HTT: variants seen among roughly 807,000 people sequenced by gnomAD.
HTT encodes the protein huntingtin.
HTT carries 104 observed loss-of-function variants against 362.3 expected under a neutral mutation model. The observed-to-expected ratio is 0.29, with a 90% confidence interval of 0.24 to 0.34. HTT has a LOEUF of 0.34. Among genes scored for constraint, HTT ranks in the 10% least tolerant of loss-of-function variants. The pLI is 1.00. For missense variants in HTT, 3,301 were observed against 3,928.6 expected, an observed-to-expected ratio of 0.84 and a Z score of 4.27; for synonymous variants, 1,577 against 1,548.7, an observed-to-expected ratio of 1.02 and a Z score of -0.43.
At position 3,135,898 on chromosome 4, in the gene HTT, T is replaced by C. The variant is rs1463220598; in HGVS notation, c.2634-6T>C. 5.0e-6 allele frequency: 8 copies of C among 1,598,492 alleles called. No individual in the cohort carries two copies. In the South Asian group the frequency reaches 8.0e-5, roughly 16 times the overall value. ...GATTTCATTGTTAAATGTGCTCTTT[T>C]GTTAGGCTGGTGAGCTTTTTGGAGG... On this transcript the variant is annotated splice_polypyrimidine_tract_variant and splice_region_variant and intron_variant, in intron 19 of 66. Transcript: ENST00000355072.
intron 27 of HTT, among the ~76,000 whole-genome samples, chr4:3,155,948 A>G (rs1046509245): frequency 2.0e-5 from 3 of 151,912 alleles, no homozygotes; most frequent in African/African-American, 7.3e-5. Flanking sequence ...ATGGCTAATT[A>G]ACCTGTGCAT....
At chr4:3,207,422 G>A (rs1719920777) in intron 45 of HTT, 65 bp downstream of exon 45, 1 of 1,312,750 alleles carries the variant, frequency 7.6e-7, no homozygotes, top group East Asian at 2.5e-5. Flanking sequence ...ATATAGATTT[G>A]TACGGGAATA....
At chr4:3,106,719 C>T (rs2110162743) in intron 5 of HTT, among the ~76,000 whole-genome samples, 1 of 152,232 alleles carries the variant, frequency 6.6e-6, no homozygotes, top group South Asian at 2.1e-4. Flanking sequence ...GGAACAGTCA[C>T]TTCCTTAGGG....
At position 3,206,691 on chromosome 4, in the gene HTT, G is replaced by C. The variant is rs1352883730; in HGVS notation, c.5898+16G>C. 2 of 1,602,888 alleles carry C rather than the reference G, an allele frequency of 1.2e-6. No homozygotes were observed. Among genetic ancestry groups the C allele is most frequent in the South Asian group, 1.1e-5 (1 of 90,088 alleles). Reference sequence around the variant, plus strand: ...CCTTTCAACTGTACGTCTTCATCCTGCCGACTATTGCCAGTTGCAGTTTTC... The same window carrying C: ...CCTTTCAACTGTACGTCTTCATCCTCCCGACTATTGCCAGTTGCAGTTTTC... On this transcript the variant is annotated intron_variant, in intron 43 of 66. Transcript: ENST00000355072. The surrounding 1 kb of genome is among the most constrained non-coding windows in gnomAD (Gnocchi z 4.6).
At chr4:3,193,500 G>A (rs1419074157) in intron 40 of HTT, among the ~76,000 whole-genome samples, 1 of 152,218 alleles carries the variant, frequency 6.6e-6, no homozygotes, top group Non-Finnish European at 1.5e-5. Flanking sequence ...AGGGTGGTGT[G>A]TTCTGTGTCC....
At chr4:3,155,782 C>T (rs1481976490) in intron 27 of HTT, among the ~76,000 whole-genome samples, 7 of 149,102 alleles carry the variant, frequency 4.7e-5, no homozygotes, top group Non-Finnish European at 8.9e-5. Flanking sequence ...CCAGTCGTCC[C>T]AGCTACTTGG....
intron 37 of HTT, among the ~76,000 whole-genome samples, 175 bp from the exon 38 acceptor site, chr4:3,186,422 G>C (rs1212699757): frequency 6.6e-6 from 1 of 152,204 alleles, no homozygotes; most frequent in Non-Finnish European, 1.5e-5. Context: ...TAGCTATACA[G>C]TGTTGTTGTA....
rs939595018 is a variant in HTT, at chr4:3,220,232, A to C, written c.7293A>C (p.Ala2431=). The C allele has an allele frequency of 6.2e-7, 1 of 1,614,010 alleles. No individual in the cohort carries two copies. Among genetic ancestry groups the C allele is most frequent in the Non-Finnish European group, 8.5e-7 (1 of 1,180,002 alleles). The change falls in exon 53 of 67, where the codon GCA becomes GCC. Residue 2431 remains alanine, a synonymous_variant. Coordinates refer to ENST00000355072, the MANE Select transcript of HTT (RefSeq NM_001388492.1). ...AACCGGGAGGGGATTTTGGCACAGC[A>C]TTCCCTGAGATCCCCGTGGAGTTCC... ...SPKPGGDFGT[A]FPEIPVEFLQ...
At chr4:3,171,150 G>T (rs1717952518) in intron 29 of HTT, among the ~76,000 whole-genome samples, 1 of 152,166 alleles carries the variant, frequency 6.6e-6, no homozygotes, top group South Asian at 2.1e-4. Context: ...AACAAAAAGT[G>T]GTGTGTGACA....
At chr4:3,232,215 C>A (rs75194556) in intron 60 of HTT, among the ~76,000 whole-genome samples, 1,861 of 152,292 alleles carry the variant, frequency 0.012, 40 homozygotes, top group African/African-American at 0.042. Flanking sequence ...CAAAGAACAG[C>A]CTCCTCTTTT....
intron 56 of HTT, 27 bp from the exon 57 acceptor site, chr4:3,225,634 C>T: frequency 6.2e-7 from 1 of 1,605,234 alleles, no homozygotes; most frequent in Non-Finnish European, 8.5e-7. Flanking sequence ...CTGTGCAGAT[C>T]AAGACTCAGG....
chr4:3,180,599 C>G lies in HTT; in HGVS notation c.4697C>G (p.Thr1566Ser). The G allele has an allele frequency of 6.2e-7, 1 of 1,613,270 alleles. No homozygotes were observed. The highest frequency in any genetic ancestry group is 2.2e-5 in the East Asian group (1 of 44,860). Residue 1566 changes from threonine to serine, a missense_variant, in exon 36 of 67, where the codon ACC (threonine) becomes AGC (serine). Physicochemically the swap from Thr to Ser is moderately conservative, Grantham distance 58. This residue lies in a region of HTT where 2,316 missense variants were observed against 2,658.5 expected (regional missense o/e 0.87). Coordinates refer to ENST00000355072, the MANE Select transcript of HTT (RefSeq NM_001388492.1). Reference sequence around the variant, plus strand: ...GCTGATGCAGGAAAAGAGCTTGAAACCCAAAAAGAGGTGGTGGTGTCAATG... The same window carrying G: ...GCTGATGCAGGAAAAGAGCTTGAAAGCCAAAAAGAGGTGGTGGTGTCAATG... ...NKADAGKELE[T>S]QKEVVVSMLL...
At chr4:3,082,041 C>T (rs1425781714) in intron 1 of HTT, among the ~76,000 whole-genome samples, 1 of 152,126 alleles carries the variant, frequency 6.6e-6, no homozygotes, top group Non-Finnish European at 1.5e-5. Flanking sequence ...GTGTCTTCTT[C>T]CCAGATTTTA....
intron 21 of HTT, among the ~76,000 whole-genome samples, chr4:3,139,685 T>A (rs1716247019): frequency 6.6e-6 from 1 of 152,208 alleles, no homozygotes; most frequent in Non-Finnish European, 1.5e-5. Flanking sequence ...ATGTTACCCG[T>A]ATTCTCCATT....
chr4:3,098,280 A>G (rs1048741705), intron 2 of HTT, among the ~76,000 whole-genome samples: 2 of 152,240 alleles, frequency 1.3e-5, no homozygotes, highest in Non-Finnish European at 2.9e-5. Flanking sequence ...TTTGTTGATC[A>G]TTACTGATGT....
In HTT at chr4:3,107,480, G is replaced by A; in HGVS notation, c.747+57G>A. ...GAGTGATGCTGTGAGTGAGTCTGTG[G>A]AGGGTGAGGGCTTCTGAACAGGGAG... On this transcript the variant is annotated intron_variant, in intron 6 of 66. Transcript: ENST00000355072. 4 of 1,581,126 alleles carry A rather than the reference G, an allele frequency of 2.5e-6. No homozygotes were observed. The East Asian group carries it at 9.0e-5, about 35-fold the overall frequency.
At position 3,211,909 on chromosome 4, in the gene HTT, C is replaced by A. The variant is rs754185336; in HGVS notation, c.6415-20C>A. ...TAATCTGTTGTTATTGTTTGTTAAC[C>A]TTTAATGCTCTGATTTCAGGAGTTC... On this transcript the variant is annotated intron_variant, in intron 47 of 66. Transcript: ENST00000355072. 8.9e-6 allele frequency: 14 copies of A among 1,576,192 alleles called. No homozygotes were observed. Among genetic ancestry groups the A allele is most frequent in the Non-Finnish European group, 9.6e-6 (11 of 1,145,602 alleles).
rs566324626 is a variant in HTT, at chr4:3,092,264, C to T, written c.347+5242C>T. ...GTCTCGAACTCCTGACCTCATGATC[C>T]GCGCCCCTCGGCCTCCCAGTGTTGG... On this transcript the variant is annotated intron_variant, in intron 2 of 66. Coordinates refer to ENST00000355072, the MANE Select transcript of HTT (RefSeq NM_001388492.1). Among the ~76,000 whole-genome samples, 18 of 152,248 alleles carry T rather than the reference C, an allele frequency of 1.2e-4. No homozygotes were observed. The East Asian group carries it at 1.4e-3, about 11-fold the overall frequency.
At position 3,212,565 on chromosome 4, in the gene HTT, G is replaced by T; in HGVS notation, c.6630G>T (p.Gly2210=). 1 of 1,613,584 alleles carries T rather than the reference G, an allele frequency of 6.2e-7. No individual in the cohort carries two copies. Among genetic ancestry groups the T allele is most frequent in the Non-Finnish European group, 8.5e-7 (1 of 1,179,562 alleles). The change falls in exon 49 of 67, where the codon GGG becomes GGT. Residue 2210 remains glycine, a splice_region_variant and synonymous_variant. Coordinates refer to ENST00000355072, the MANE Select transcript of HTT (RefSeq NM_001388492.1). ...ACCCACGAGGTCCTTCTGTTTCAGG[G>T]GATGCTGCACTGTATCAGTCCCTGC... ...AYWSKLNDLF[G]DAALYQSLPT...
Sources: allele counts gnomAD v4.1 joint callset (sites outside exome capture counted in the v4.1 genomes callset), GRCh38; gene constraint gnomAD v4.1.1; regional missense constraint gnomAD v4.1.1; non-coding constraint Gnocchi (gnomAD v3.1); transcripts MANE v1.5; gene names NCBI Gene and HGNC (gene_info 2026-07-23, HGNC 2026-07-21).